Variants in PGBD2 observed in about 807,000 individuals in gnomAD.
PGBD2 encodes the protein piggyBac transposable element derived 2, also known as piggyBac transposable element-derived protein 2.
Under a neutral mutation model 8.1 loss-of-function variants are expected in PGBD2, and 6 were observed. The ratio of observed to expected loss-of-function variants is 0.74; its 90% confidence interval spans 0.40 to 1.46. PGBD2 has a LOEUF of 1.46. Ranked by LOEUF, PGBD2 falls within the 40% of genes most tolerant of loss-of-function variation. The pLI is 0.02. For synonymous variants in PGBD2, 318 were observed against 272.2 expected, an observed-to-expected ratio of 1.17 and a Z score of -1.66; for missense variants, 802 against 739.0, an observed-to-expected ratio of 1.09 and a Z score of -0.99.
downstream of PGBD2, among the ~76,000 whole-genome samples, chr1:248,923,627 G>A (rs1279208031): frequency 2.6e-5 from 4 of 152,192 alleles, 1 homozygote; most frequent in African/African-American, 9.6e-5. Context: ...ACACTCTAGT[G>A]TTCTAGCAAG....
At chr1:248,915,981 A>G (rs1025895540) in intron 2 of PGBD2, among the ~76,000 whole-genome samples, 2 of 152,312 alleles carry the variant, frequency 1.3e-5, no homozygotes, top group South Asian at 2.1e-4. Flanking sequence ...AGTTTCTGTT[A>G]TCTGGGGTGA....
chr1:248,904,560 C>T (rs963203633), upstream of PGBD2, among the ~76,000 whole-genome samples: 25 of 152,194 alleles, frequency 1.6e-4, no homozygotes, highest in Admixed American at 2.6e-4. Flanking sequence ...CTTATTACTC[C>T]TTGTTGAACT....
chr1:248,873,374 A>C, the PGBD2 span, among the ~76,000 whole-genome samples: 3 of 152,216 alleles, frequency 2.0e-5, no homozygotes, highest in Non-Finnish European at 2.9e-5. Context: ...TCGTGGAGGA[A>C]GCGCGGTGGA....
downstream of PGBD2, chr1:248,919,398 G>A (rs1282899106): frequency 1.2e-5 from 2 of 166,562 alleles, no homozygotes; most frequent in African/African-American, 2.4e-5. Context: ...TTCCATTCAT[G>A]TTGTTGCAAA....
intron 2 of PGBD2, chr1:248,914,550 C>G: frequency 7.8e-7 from 1 of 1,289,286 alleles, no homozygotes; most frequent in Non-Finnish European, 1.0e-6. Flanking sequence ...ACTCCAAAGT[C>G]CATGGGCAGG....
chr1:248,900,917 G>A, the PGBD2 span, among the ~76,000 whole-genome samples: 4 of 152,090 alleles, frequency 2.6e-5, no homozygotes, highest in African/African-American at 7.2e-5. Flanking sequence ...GTCAGTGTAT[G>A]AAAATCACAA....
At chr1:248,920,991 T>A (rs2103120988), downstream of PGBD2, among the ~76,000 whole-genome samples, 1 of 152,092 alleles carries the variant, frequency 6.6e-6, no homozygotes, top group East Asian at 1.9e-4. Flanking sequence ...TGATGGTTTT[T>A]TTTTTTTCTT....
chr1:248,911,548 T>A (rs531667641), intron 1 of PGBD2, among the ~76,000 whole-genome samples: 1 of 145,654 alleles, frequency 6.9e-6, no homozygotes. Flanking sequence ...CCATCCGATT[T>A]CTCAATCTTT....
At chr1:248,921,257 G>T (rs1177892973), downstream of PGBD2, among the ~76,000 whole-genome samples, 3 of 152,142 alleles carry the variant, frequency 2.0e-5, no homozygotes, top group African/African-American at 7.2e-5. Flanking sequence ...TTTCTTCTAG[G>T]ATTTTTATGG....
intron 2 of PGBD2, among the ~76,000 whole-genome samples, chr1:248,915,453 G>C (rs149637624): frequency 0.016 from 2,510 of 152,296 alleles, 78 homozygotes; most frequent in African/African-American, 0.057. Context: ...CTTTGTGTTA[G>C]ATGACTTTTT....
chr1:248,926,555 C>G, the PGBD2 span, among the ~76,000 whole-genome samples: 5 of 152,130 alleles, frequency 3.3e-5, no homozygotes, highest in Non-Finnish European at 5.9e-5. Context: ...ATCAACAGAG[C>G]TAGTATTTCA....
chr1:248,883,766 T>G, the PGBD2 span, among the ~76,000 whole-genome samples: 2 of 151,578 alleles, frequency 1.3e-5, no homozygotes, highest in East Asian at 1.9e-4. Flanking sequence ...CCAGCTAATT[T>G]TTTTGTATTT....
chr1:248,910,400 G>A (rs1201394183), intron 1 of PGBD2, among the ~76,000 whole-genome samples: 1 of 152,202 alleles, frequency 6.6e-6, no homozygotes, highest in East Asian at 1.9e-4. Context: ...GGCCTGTTGT[G>A]TCTGCTTTAC....
At chr1:248,909,642 ATTAAT>A (rs1162791892) in intron 1 of PGBD2, among the ~76,000 whole-genome samples, 1 of 152,144 alleles carries the variant, frequency 6.6e-6, no homozygotes, top group African/African-American at 2.4e-5. Context: ...AAGATGGATT[ATTAAT>A]TTCAGTCTAT....
chr1:248,892,498 C>T, the PGBD2 span, among the ~76,000 whole-genome samples: 4 of 151,058 alleles, frequency 2.6e-5, no homozygotes, highest in African/African-American at 9.7e-5. Context: ...GGTCTGGTTT[C>T]TGGTCTCCTA....
intron 2 of PGBD2, 50 bp downstream of exon 2, chr1:248,913,929 T>G (rs1432550727): frequency 6.5e-7 from 1 of 1,536,820 alleles, no homozygotes; most frequent in South Asian, 1.1e-5. Flanking sequence ...TATTCCCCTA[T>G]GCTTTTGAAA....
chr1:248,897,858 G>A, the PGBD2 span, among the ~76,000 whole-genome samples: 20 of 152,292 alleles, frequency 1.3e-4, no homozygotes, highest in South Asian at 4.1e-3. Context: ...AGGGGCAGCT[G>A]CCATCTCTGC....
At chr1:248,927,863 A>G in the PGBD2 span, among the ~76,000 whole-genome samples, 2 of 152,216 alleles carry the variant, frequency 1.3e-5, no homozygotes, top group Non-Finnish European at 2.9e-5. Context: ...TGATAGATAA[A>G]GAAAATACAT....
downstream of PGBD2, among the ~76,000 whole-genome samples, chr1:248,920,626 T>C (rs562129495): frequency 1.3e-5 from 2 of 152,316 alleles, no homozygotes; most frequent in African/African-American, 4.8e-5. Flanking sequence ...GTCTTTGTAG[T>C]AGAATGATTT....
Sources: allele counts gnomAD v4.1 joint callset (sites outside exome capture counted in the v4.1 genomes callset), GRCh38; gene constraint gnomAD v4.1.1; transcripts MANE v1.5; gene names NCBI Gene and HGNC (gene_info 2026-07-23, HGNC 2026-07-21).